The following SMARCA1 variants were observed in gnomAD, a reference collection of about 807,000 sequenced individuals.
SMARCA1 encodes the protein SNF2 related chromatin remodeling ATPase 1.
Under a neutral mutation model 93.6 loss-of-function variants are expected in SMARCA1, and 17 were observed. The observed-to-expected ratio is 0.18, with a 90% CI of 0.12 to 0.27. The LOEUF (loss-of-function observed/expected upper bound fraction) is 0.27. Among genes scored for constraint, SMARCA1 ranks in the 10% least tolerant of loss-of-function variants. The probability of loss-of-function intolerance (pLI) is 1.00; values close to 1 mark genes in which losing one functional copy is unlikely to be tolerated. For synonymous variants in SMARCA1, 271 were observed against 271.4 expected (o/e 1.00, Z 0.01); for missense variants, 630 against 819.0 (o/e 0.77, Z 2.82).
chrX:129,522,571 A>G (rs746034320), intron 1 of SMARCA1, among the ~76,000 whole-genome samples: 1 of 110,222 alleles, frequency 9.1e-6, no homozygotes, highest in Non-Finnish European at 1.9e-5. Context: ...CCTCGGGGTG[A>G]CACCCCCACC....
intron 12 of SMARCA1, among the ~76,000 whole-genome samples, chrX:129,495,186 G>A (rs1197185634): frequency 8.9e-6 from 1 of 112,820 alleles, no homozygotes; most frequent in Non-Finnish European, 1.9e-5. Context: ...GTCCTGAGCT[G>A]CCAGAAGAGG....
chrX:129,453,156 G>A (rs951777515), intron 23 of SMARCA1, among the ~76,000 whole-genome samples: 7 of 111,269 alleles, frequency 6.3e-5, no homozygotes, highest in Non-Finnish European at 1.1e-4. Context: ...ATAGAAATTG[G>A]GCTAATTATA....
chrX:129,506,103 G>A lies in SMARCA1; in HGVS notation c.1075C>T (p.Pro359Ser), dbSNP rs1171312262. 1 of 1,198,706 alleles carries A rather than the reference G, an allele frequency of 8.3e-7. No individual in the cohort carries two copies. Among genetic ancestry groups the A allele is most frequent in the East Asian group, 3.0e-5 (1 of 33,796 alleles). ...ACATCTGCAGAATTAAAGACATCAG[G>A]CAATAAAAAGTTGAGTAAGGCCCAC... ...ELWALLNFLL[P>S]DVFNSADDFD... Residue 359 changes from proline (P) to serine (S), a missense_variant, in exon 8 of 25, where the codon CCT (proline) becomes TCT (serine). Coordinates refer to ENST00000371121, the MANE Select transcript of SMARCA1 (RefSeq NM_001282874.2).
chrX:129,505,493 C>T (rs1326615179), intron 8 of SMARCA1, among the ~76,000 whole-genome samples: 1 of 110,581 alleles, frequency 9.0e-6, no homozygotes, highest in African/African-American at 3.3e-5. Flanking sequence ...GCCTGGGGGA[C>T]AGAGTGAGAC....
Position 129,489,058 on chromosome X carries a change from T to C in SMARCA1, c.1976A>G (p.Lys659Arg). ...QGRLIDQQSNKLAKEEMLQMI... is the reference protein window; with the variant it reads ...QGRLIDQQSNRLAKEEMLQMI... ...TTGTAACATTTCCTCTTTTGCCAGC[T>C]TGTTAGACTGTTGGTCAATGAGTCT... The change falls in exon 16 of 25, where the codon AAG becomes AGG. Residue 659 changes from lysine (K) to arginine (R), a missense_variant. Transcript: ENST00000371121. 1 of 1,191,790 alleles carries C rather than the reference T, an allele frequency of 8.4e-7. No individual in the cohort carries two copies.
chrX:129,462,377 A>T (rs34851658), intron 23 of SMARCA1, among the ~76,000 whole-genome samples: 103 of 111,919 alleles, frequency 9.2e-4, no homozygotes, highest in African/African-American at 3.0e-3. Context: ...TGTGAATGTG[A>T]TTCACTATAC....
rs12687859 is a variant in SMARCA1 at position 129,508,969 on chromosome X, C to T, written c.811-873G>A. On this transcript the variant is annotated intron_variant, in intron 6 of 24. Coordinates refer to ENST00000371121, the MANE Select transcript of SMARCA1 (RefSeq NM_001282874.2). ...TTGGGAGGCCAAGGCAGATGGATCA[C>T]GAGGTCAGGAGTTCAAGAACAGCCT... Among the ~76,000 whole-genome samples, 723 of 110,541 alleles carry T rather than the reference C, an allele frequency of 6.5e-3. 18 individuals carry two copies. The East Asian group carries it at 0.12, about 19-fold the overall frequency.
chrX:129,504,622 C>T (rs777420477), intron 9 of SMARCA1, 112 bp downstream of exon 9: 2 of 246,434 alleles, frequency 8.1e-6, no homozygotes, highest in Non-Finnish European at 7.6e-6. Context: ...GAAACAGTGA[C>T]ATTGAGCCAA....
In SMARCA1 at chrX:129,515,761, A is replaced by C; in HGVS notation, c.556T>G (p.Tyr186Asp). 4 of 1,201,962 alleles carry C rather than the reference A, an allele frequency of 3.3e-6. No individual in the cohort carries two copies. Among genetic ancestry groups the C allele is most frequent in the Non-Finnish European group, 4.5e-6 (4 of 886,481 alleles). ...SYVKGGPLRD[Y>D]QIRGLNWLIS... ...AACCAATTCAGTCCTCGAATCTGAT[A>C]ATCTCTCAGTGGCCCCCCTTTCACA... Residue 186 changes from tyrosine (Y) to aspartate (D), a missense_variant, in exon 5 of 25, where the codon TAT (tyrosine) becomes GAT (aspartate). Tyr to Asp is a radical substitution (Grantham distance 160). Around this residue, in one of 4 missense-constraint regions of SMARCA1, gnomAD observed 382 missense variants for 537.9 expected, o/e 0.71. Transcript: ENST00000371121.
At chrX:129,509,619 G>C (rs1428752687) in intron 6 of SMARCA1, among the ~76,000 whole-genome samples, 2 of 111,863 alleles carry the variant, frequency 1.8e-5, no homozygotes, top group East Asian at 5.5e-4. Context: ...TGAATTTTTT[G>C]TAACTATTGG....
intron 23 of SMARCA1, among the ~76,000 whole-genome samples, chrX:129,454,781 T>A (rs1932511340): frequency 1.8e-5 from 2 of 111,653 alleles, no homozygotes; most frequent in Admixed American, 1.9e-4. Flanking sequence ...TATCTCCTAA[T>A]GCTATCCCTC....
At position 129,504,569 on chromosome X, in the gene SMARCA1, A is replaced by AAAC. The variant is rs1569446167; in HGVS notation, c.1167+164_1167+165insGTT. 7.5e-4 allele frequency among the ~76,000 whole-genome samples: 74 copies of AAAC among 98,402 alleles called. 1 individual carries two copies. The highest frequency in any genetic ancestry group is 3.1e-3 in the African/African-American group (74 of 24,247). The allele number at this position is 98,402 out of a possible 115,157, so 85.5% of individuals were successfully genotyped here. A position where few individuals can be genotyped will look rare whatever the true frequency, so the allele number is the denominator to read the frequency against. On this transcript the variant is annotated intron_variant, in intron 9 of 24. Transcript: ENST00000371121. The stretch of plus-strand genomic sequence containing the variant: ...AGGAATAAAAAAAAAAAAAAAAAAA[A>AAAC]AAAAAAAAAAAACAAAGAGGCTGTC...
At position 129,465,835 on chromosome X, in the gene SMARCA1, A is replaced by G; in HGVS notation, c.2817+9T>C. 9.1e-7 allele frequency: 1 copy of G among 1,101,673 alleles called. No homozygotes were observed. Among genetic ancestry groups the G allele is most frequent in the Middle Eastern group, 2.5e-4 (1 of 4,009 alleles). 90.8% of individuals were successfully genotyped at this position (1,101,673 alleles called of 1,213,427 possible). A position where few individuals can be genotyped will look rare whatever the true frequency, so the allele number is the denominator to read the frequency against. On this transcript the variant is annotated intron_variant, in intron 22 of 24. Transcript: ENST00000371121. ...CGATCTAATAATAATTTGACATAAAACATAGTACTTTGGCATCCAGGGCTT... is the reference window on the plus strand; with the variant it reads ...CGATCTAATAATAATTTGACATAAAGCATAGTACTTTGGCATCCAGGGCTT...
chrX:129,479,014 G>A lies in SMARCA1; in HGVS notation c.2442+1687C>T, dbSNP rs908973005. 7.2e-5 allele frequency among the ~76,000 whole-genome samples: 8 copies of A among 111,827 alleles called. No individual in the cohort carries two copies. In the Admixed American group the frequency reaches 7.5e-4, roughly 11 times the overall value. ...TTGAACAAGGTCATTTAACCTCTCT[G>A]AACTTCAGTTTCCTCACCTATTAAA... On this transcript the variant is annotated intron_variant, in intron 19 of 24. Transcript: ENST00000371121.
chrX:129,476,396 G>T (rs1385840792), intron 19 of SMARCA1, among the ~76,000 whole-genome samples: 1 of 111,963 alleles, frequency 8.9e-6, no homozygotes, highest in African/African-American at 3.2e-5. Context: ...GGGAGGGAAA[G>T]GGGGAGAAAA....
intron 21 of SMARCA1, among the ~76,000 whole-genome samples, chrX:129,466,537 C>T (rs770325824): frequency 9.0e-6 from 1 of 110,634 alleles, no homozygotes; most frequent in Non-Finnish European, 1.9e-5. Flanking sequence ...TGCCTGTAAT[C>T]GCAGCTACTC....
intron 19 of SMARCA1, among the ~76,000 whole-genome samples, chrX:129,474,951 T>C (rs1812969492): frequency 9.0e-6 from 1 of 110,935 alleles, no homozygotes; most frequent in Non-Finnish European, 1.9e-5. Context: ...CCTTCTAACA[T>C]GGAGGACCTG....
intron 6 of SMARCA1, among the ~76,000 whole-genome samples, chrX:129,509,269 C>G (rs1466237061): frequency 9.1e-6 from 1 of 110,229 alleles, no homozygotes; most frequent in African/African-American, 3.3e-5. Flanking sequence ...GTCTTTATTT[C>G]ATAATTCACA....
intron 23 of SMARCA1, among the ~76,000 whole-genome samples, chrX:129,455,385 CAT>C (rs1232494937): frequency 2.1e-5 from 2 of 95,575 alleles, no homozygotes; most frequent in African/African-American, 8.0e-5. Context: ...TGTTCTCACT[CAT>C]AAGTGGGAGT....
Sources: allele counts gnomAD v4.1 joint callset (sites outside exome capture counted in the v4.1 genomes callset), GRCh38; gene constraint gnomAD v4.1.1; regional missense constraint gnomAD v4.1.1; transcripts MANE v1.5; gene names NCBI Gene and HGNC (gene_info 2026-07-23, HGNC 2026-07-21).